Variants in ZNF236 observed in about 807,000 individuals in gnomAD.
ZNF236 encodes zinc finger protein 236, also known as regulated by glucose.
ZNF236 carries 50 observed loss-of-function variants against 191.2 expected under a neutral mutation model. The ratio of observed to expected loss-of-function variants is 0.26; its 90% CI spans 0.21 to 0.33. ZNF236 has a LOEUF of 0.33. ZNF236 is among the 10% of genes least tolerant of loss of function. The pLI is 1.00. For synonymous variants in ZNF236, 907 were observed against 928.8 expected (o/e 0.98, Z 0.43); for missense variants, 1,754 against 2,374.5 (o/e 0.74, Z 5.43).
intron 1 of ZNF236, among the ~76,000 whole-genome samples, chr18:76,844,101 A>G (rs1423272498): frequency 1.3e-5 from 2 of 151,804 alleles, no homozygotes; most frequent in Non-Finnish European, 2.9e-5. Context: ...TTAGCCAGGC[A>G]TGGTGGCACA....
Position 76,877,993 on chromosome 18 carries a change from C to A in ZNF236, c.841-16C>A. Reference sequence around the variant, plus strand: ...TTAATTGTAAAACATCATTTTTTTCCTTTTTATTCTTTAAGGTCAAGAATG... The same window carrying A: ...TTAATTGTAAAACATCATTTTTTTCATTTTTATTCTTTAAGGTCAAGAATG... On this transcript the variant is annotated splice_polypyrimidine_tract_variant and intron_variant, in intron 6 of 30. Coordinates refer to ENST00000320610, the MANE Select transcript of ZNF236 (RefSeq NM_001306089.2). 2 of 1,514,666 alleles carry A rather than the reference C, an allele frequency of 1.3e-6. No individual in the cohort carries two copies. The highest frequency in any genetic ancestry group is 1.3e-5 in the South Asian group (1 of 75,500). 93.8% of individuals were successfully genotyped at this position (1,514,666 alleles called of 1,614,324 possible).
chr18:76,870,169 T>G (rs1370261046), intron 4 of ZNF236, among the ~76,000 whole-genome samples: 1 of 152,234 alleles, frequency 6.6e-6, no homozygotes, highest in Non-Finnish European at 1.5e-5. Context: ...TTGAGAAATG[T>G]GGACTGGACA....
At chr18:76,864,520 TACAC>T (rs529516958) in intron 3 of ZNF236, among the ~76,000 whole-genome samples, 135 of 151,916 alleles carry the variant, frequency 8.9e-4, no homozygotes, top group African/African-American at 3.0e-3. Flanking sequence ...TACACACACA[TACAC>T]ACACACGCAC....
intron 27 of ZNF236, among the ~76,000 whole-genome samples, chr18:76,949,191 G>A (rs913910472): frequency 1.3e-5 from 2 of 152,076 alleles, no homozygotes; most frequent in Non-Finnish European, 2.9e-5. Flanking sequence ...CAGTTCCAAG[G>A]CACACCTTAC....
intron 13 of ZNF236, among the ~76,000 whole-genome samples, chr18:76,907,330 C>G (rs1189616551): frequency 6.6e-6 from 1 of 152,168 alleles, no homozygotes; most frequent in Non-Finnish European, 1.5e-5. Context: ...AAGAGGGGAC[C>G]AGGCGGCTCT....
chr18:76,944,517 T>C (rs1040578618), intron 26 of ZNF236, among the ~76,000 whole-genome samples: 3 of 152,162 alleles, frequency 2.0e-5, no homozygotes, highest in Admixed American at 1.3e-4. Flanking sequence ...TGGCTGGGGG[T>C]GTGGTGGCTC....
chr18:76,907,773 C>T (rs1967096554), intron 13 of ZNF236, among the ~76,000 whole-genome samples: 1 of 149,660 alleles, frequency 6.7e-6, no homozygotes, highest in Non-Finnish European at 1.5e-5. Flanking sequence ...AAATCGTTGA[C>T]TTTGATGAAT....
chr18:76,869,340 A>G (rs900362677), intron 4 of ZNF236, among the ~76,000 whole-genome samples: 4 of 152,214 alleles, frequency 2.6e-5, no homozygotes, highest in African/African-American at 4.8e-5. Flanking sequence ...GAAAACCAAG[A>G]TTAGAGGAAC....
intron 1 of ZNF236, among the ~76,000 whole-genome samples, chr18:76,823,671 A>G (rs1014861292): frequency 1.1e-4 from 17 of 152,346 alleles, no homozygotes; most frequent in African/African-American, 3.8e-4. Flanking sequence ...GCAGGCAGAC[A>G]CACAACCGGG....
intron 3 of ZNF236, among the ~76,000 whole-genome samples, chr18:76,856,463 A>C (rs1568197677): frequency 6.6e-6 from 1 of 152,206 alleles, no homozygotes; most frequent in East Asian, 1.9e-4. Flanking sequence ...GATTACAGGC[A>C]TGAGCCGCTG....
At chr18:76,845,709 C>T (rs375168600) in intron 1 of ZNF236, among the ~76,000 whole-genome samples, 40 of 151,992 alleles carry the variant, frequency 2.6e-4, no homozygotes, top group Admixed American at 6.6e-4. Context: ...ATTAGCCAGG[C>T]GTGGTGGCGC....
chr18:76,831,356 CT>C (rs1453182277), intron 1 of ZNF236, among the ~76,000 whole-genome samples: 1 of 152,178 alleles, frequency 6.6e-6, no homozygotes, highest in African/African-American at 2.4e-5. Flanking sequence ...TCCTCCATGT[CT>C]TTTCAAGGCT....
Position 76,822,966 on chromosome 18 carries a change from C to T in ZNF236, c.55+304C>T, listed in dbSNP as rs1275390399. Among the ~76,000 whole-genome samples the T allele has an allele frequency of 7.4e-5, 11 of 148,682 alleles. No individual in the cohort carries two copies. In the South Asian group the frequency reaches 2.1e-3, roughly 28 times the overall value. ...CGGCCGCCTCCTGCGCGCGCCCTGC[C>T]CCCGCTGGCCCTGCCGCGGCCCGCG... On this transcript the variant is annotated intron_variant, in intron 1 of 30. Coordinates refer to ENST00000320610, the MANE Select transcript of ZNF236 (RefSeq NM_001306089.2).
chr18:76,833,067 CAA>C (rs1412307340), intron 1 of ZNF236, among the ~76,000 whole-genome samples: 1 of 151,974 alleles, frequency 6.6e-6, no homozygotes, highest in Non-Finnish European at 1.5e-5. Context: ...GTATTGTATC[CAA>C]AGTCTTTTAC....
chr18:76,926,770 G>GTA lies in ZNF236; in HGVS notation c.4028-265_4028-264dup, dbSNP rs1568233883. 5.2e-5 allele frequency among the ~76,000 whole-genome samples: 2 copies of GTA among 38,268 alleles called. 1 individual carries two copies. The highest frequency in any genetic ancestry group is 4.8e-4 in the Admixed American group (2 of 4,188). 25.1% of individuals were successfully genotyped at this position (38,268 alleles called of 152,430 possible). On this transcript the variant is annotated intron_variant, in intron 22 of 30. Coordinates refer to ENST00000320610, the MANE Select transcript of ZNF236 (RefSeq NM_001306089.2). ...TAAAGGGTGATTAGACAGTGTGTGTGTATGGTATAAAGGGTGATTAGACAG... is the reference window on the plus strand; with the variant it reads ...TAAAGGGTGATTAGACAGTGTGTGTGTATATGGTATAAAGGGTGATTAGACAG...
chr18:76,882,821 G>A (rs1029673522), intron 9 of ZNF236, among the ~76,000 whole-genome samples: 1 of 152,188 alleles, frequency 6.6e-6, no homozygotes, highest in Non-Finnish European at 1.5e-5. Flanking sequence ...AAGGAAAACA[G>A]GAGCCATTTC....
intron 3 of ZNF236, among the ~76,000 whole-genome samples, chr18:76,857,869 G>A (rs903534768): frequency 2.0e-5 from 3 of 152,126 alleles, no homozygotes; most frequent in Non-Finnish European, 2.9e-5. Context: ...TAGATTCAGG[G>A]GAGAACTGAT....
intron 17 of ZNF236, 101 bp from the exon 18 acceptor site, chr18:76,913,646 T>C: frequency 8.0e-7 from 1 of 1,257,048 alleles, no homozygotes; most frequent in South Asian, 1.4e-5. Context: ...TGTTTCATGG[T>C]TGTTGGTGAA....
At chr18:76,823,036 C>T (rs1351433341) in intron 1 of ZNF236, among the ~76,000 whole-genome samples, 2 of 149,322 alleles carry the variant, frequency 1.3e-5, no homozygotes, top group East Asian at 4.0e-4. Flanking sequence ...GTCCCGGGGC[C>T]GGAGGGCCGC....
Sources: gnomAD v4.1 joint callset for allele counts (sites outside exome capture counted in the v4.1 genomes callset) on GRCh38, gnomAD v4.1.1 for gene constraint, MANE v1.5 for transcripts, NCBI Gene and HGNC (gene_info 2026-07-23, HGNC 2026-07-21) for gene names.